Variants in KAZN observed in about 807,000 individuals in gnomAD.
KAZN encodes kazrin, periplakin interacting protein.
In KAZN, 40 loss-of-function variants were observed where a neutral mutation model predicts 87.4. The ratio of observed to expected loss-of-function variants is 0.46; its 90% CI spans 0.36 to 0.60. The LOEUF (loss-of-function observed/expected upper bound fraction) is 0.60. Among genes scored for constraint, KAZN ranks in the 20% least tolerant of loss-of-function variants. The probability of loss-of-function intolerance (pLI) is 0.00; values close to 1 mark genes in which losing one functional copy is unlikely to be tolerated. For synonymous variants in KAZN, 466 were observed against 458.3 expected (o/e 1.02, Z -0.22); for missense variants, 898 against 1,073.9 (o/e 0.84, Z 2.29).
At chr1:14,095,285 G>A (rs1010235696) in intron 1 of KAZN, among the ~76,000 whole-genome samples, 3 of 152,132 alleles carry the variant, frequency 2.0e-5, no homozygotes, top group African/African-American at 7.2e-5. Flanking sequence ...CCGTGGAGAG[G>A]AATCACCTGT....
chr1:14,512,493 C>A (rs1670963708), intron 2 of KAZN, among the ~76,000 whole-genome samples: 1 of 151,082 alleles, frequency 6.6e-6, no homozygotes, highest in African/African-American at 2.4e-5. Context: ...CACCCCAACC[C>A]TAGTTGAGAA....
intron 2 of KAZN, among the ~76,000 whole-genome samples, chr1:14,387,922 G>A (rs796726035): frequency 2.8e-4 from 43 of 152,190 alleles, no homozygotes; most frequent in African/African-American, 8.2e-4. Flanking sequence ...CCTCACTGCC[G>A]CTTTGCTGTT....
At chr1:14,513,904 T>C (rs1006020438) in intron 2 of KAZN, among the ~76,000 whole-genome samples, 1 of 149,922 alleles carries the variant, frequency 6.7e-6, no homozygotes, top group Non-Finnish European at 1.5e-5. Flanking sequence ...CTTTAATTTC[T>C]AAAAAAAAAA....
intron 2 of KAZN, among the ~76,000 whole-genome samples, chr1:14,374,130 C>G (rs1286101820): frequency 6.6e-6 from 1 of 152,170 alleles, no homozygotes; most frequent in Non-Finnish European, 1.5e-5. Flanking sequence ...CAGACCAAAC[C>G]CTGTGCCATA....
chr1:14,991,438 CA>C (rs766765677), intron 2 of KAZN, among the ~76,000 whole-genome samples: 142 of 152,310 alleles, frequency 9.3e-4, no homozygotes, highest in Non-Finnish European at 1.5e-3. Context: ...AGCCACCCAG[CA>C]TACAGGACTT....
At chr1:14,046,062 AT>A (rs1219483676) in intron 1 of KAZN, among the ~76,000 whole-genome samples, 1 of 152,206 alleles carries the variant, frequency 6.6e-6, no homozygotes, top group Non-Finnish European at 1.5e-5. Context: ...GCACTTTTAA[AT>A]GTAAATTCTC....
intron 2 of KAZN, among the ~76,000 whole-genome samples, chr1:14,208,607 AAGAGT>A (rs1013854062): frequency 6.6e-6 from 1 of 152,220 alleles, no homozygotes; most frequent in African/African-American, 2.4e-5. Context: ...AGTATAAGAA[AAGAGT>A]AAAGTGCCCT....
intron 2 of KAZN, among the ~76,000 whole-genome samples, chr1:14,495,915 T>A (rs1429912481): frequency 6.6e-6 from 1 of 152,232 alleles, no homozygotes. Context: ...GAACCAACGT[T>A]CTTTCTTTGA....
chr1:15,065,183 C>T (rs1462671786), intron 7 of KAZN, among the ~76,000 whole-genome samples: 1 of 151,966 alleles, frequency 6.6e-6, no homozygotes, highest in African/African-American at 2.4e-5. Context: ...TGCCTATCAC[C>T]ACATCCGGCT....
intron 2 of KAZN, among the ~76,000 whole-genome samples, chr1:14,482,691 G>A (rs897669594): frequency 1.3e-5 from 2 of 152,136 alleles, no homozygotes; most frequent in Non-Finnish European, 2.9e-5. Flanking sequence ...TCTTTATGGA[G>A]TTCCCTGTGG....
intron 8 of KAZN, chr1:15,067,281 C>A (rs1639284461): frequency 1.3e-5 from 13 of 985,562 alleles, no homozygotes; most frequent in Non-Finnish European, 1.6e-5. Flanking sequence ...CCCAGGATCC[C>A]TTGGACTCCG....
chr1:14,787,219 CAT>C (rs1478472324), intron 1 of KAZN, among the ~76,000 whole-genome samples: 1 of 152,212 alleles, frequency 6.6e-6, no homozygotes, highest in African/African-American at 2.4e-5. Context: ...TTGCATTTCA[CAT>C]GTGCTGAAGA....
chr1:14,491,005 C>G (rs1281499708), intron 2 of KAZN, among the ~76,000 whole-genome samples: 1 of 152,186 alleles, frequency 6.6e-6, no homozygotes, highest in Non-Finnish European at 1.5e-5. Context: ...GAAGAATTGT[C>G]ATTGTCACAA....
chr1:14,191,394 A>G (rs1344866690), intron 2 of KAZN, among the ~76,000 whole-genome samples: 1 of 152,198 alleles, frequency 6.6e-6, no homozygotes, highest in African/African-American at 2.4e-5. Flanking sequence ...GATGAGCCTC[A>G]GATTATGGTT....
intron 2 of KAZN, among the ~76,000 whole-genome samples, chr1:14,467,844 A>C (rs1668248551): frequency 1.3e-5 from 2 of 152,112 alleles, no homozygotes; most frequent in Admixed American, 1.3e-4. Flanking sequence ...CAGGCTTAGC[A>C]ACTCCAATAG....
chr1:14,429,324 A>G (rs1008468568), intron 2 of KAZN, among the ~76,000 whole-genome samples: 12 of 152,216 alleles, frequency 7.9e-5, no homozygotes, highest in African/African-American at 2.7e-4. Flanking sequence ...ACATTCACAC[A>G]CCGTGGCTAA....
intron 2 of KAZN, among the ~76,000 whole-genome samples, chr1:14,497,620 G>A (rs556730435): frequency 2.0e-5 from 3 of 152,144 alleles, no homozygotes; most frequent in African/African-American, 7.2e-5. Flanking sequence ...AAAATAATAG[G>A]ACATTTAATA....
chr1:14,272,329 C>T (rs1222337405), intron 2 of KAZN, among the ~76,000 whole-genome samples: 1 of 152,194 alleles, frequency 6.6e-6, no homozygotes, highest in African/African-American at 2.4e-5. Flanking sequence ...GAAATGCAAA[C>T]AGAAGCAGCC....
At chr1:14,476,554 T>C (rs1439153054) in intron 2 of KAZN, among the ~76,000 whole-genome samples, 1 of 152,206 alleles carries the variant, frequency 6.6e-6, no homozygotes, top group Admixed American at 6.5e-5. Flanking sequence ...CTTCCCAAAA[T>C]TGTACTGGTA....
Sources: gnomAD v4.1 joint callset for allele counts (sites outside exome capture counted in the v4.1 genomes callset) on GRCh38, gnomAD v4.1.1 for gene constraint, MANE v1.5 for transcripts, NCBI Gene and HGNC (gene_info 2026-07-23, HGNC 2026-07-21) for gene names.